Variants in KIAA1671 observed in about 807,000 individuals in gnomAD.
The protein encoded by KIAA1671 is KIAA1671.
KIAA1671 carries 52 observed loss-of-function variants against 131.2 expected under a neutral mutation model. The observed-to-expected ratio is 0.40, with a 90% confidence interval of 0.32 to 0.50. KIAA1671 has a LOEUF of 0.50. KIAA1671 is among the 20% of genes least tolerant of loss of function. The pLI is 0.73. For missense variants in KIAA1671, 2,360 were observed against 2,364.2 expected (o/e 1.00, Z 0.04); for synonymous variants, 1,003 against 961.6 (o/e 1.04, Z -0.80).
In KIAA1671 at chr22:25,072,726, C is replaced by T. The variant is rs562764540; in HGVS notation, c.4530+23362C>T. Among the ~76,000 whole-genome samples, 11 of 152,296 alleles carry T rather than the reference C, an allele frequency of 7.2e-5. No individual in the cohort carries two copies. In the South Asian group the frequency reaches 2.3e-3, roughly 32 times the overall value. Reference sequence around the variant, plus strand: ...TCATCTGCAAAGCGAGGCCCCGCTGCCTTCCTGATTTGCTTCTTGGGGCAA... The same window carrying T: ...TCATCTGCAAAGCGAGGCCCCGCTGTCTTCCTGATTTGCTTCTTGGGGCAA... On this transcript the variant is annotated intron_variant, in intron 6 of 12. Transcript: ENST00000358431.
At chr22:25,181,217 G>A (rs1004800372) in intron 9 of KIAA1671, among the ~76,000 whole-genome samples, 1 of 152,334 alleles carries the variant, frequency 6.6e-6, no homozygotes, top group African/African-American at 2.4e-5. Flanking sequence ...CCTCAAGCAC[G>A]GGTCTGGGGT....
At chr22:25,122,013 G>C (rs1167524792) in intron 6 of KIAA1671, among the ~76,000 whole-genome samples, 1 of 152,138 alleles carries the variant, frequency 6.6e-6, no homozygotes, top group African/African-American at 2.4e-5. Context: ...CTGGTTCTGC[G>C]TCTCCCTTGC....
intron 6 of KIAA1671, among the ~76,000 whole-genome samples, chr22:25,160,400 T>A (rs2145992964): frequency 6.6e-6 from 1 of 152,310 alleles, no homozygotes; most frequent in South Asian, 2.1e-4. Flanking sequence ...CTGTTACTCT[T>A]GCCCTGTGTC....
chr22:25,002,624 G>A (rs572129959), intron 1 of KIAA1671, among the ~76,000 whole-genome samples: 5 of 152,198 alleles, frequency 3.3e-5, no homozygotes, highest in African/African-American at 1.2e-4. Context: ...GAAAACTGCA[G>A]ATGTTCTTAG....
At chr22:25,037,278 G>A (rs1307280350) in intron 4 of KIAA1671, among the ~76,000 whole-genome samples, 8 of 152,156 alleles carry the variant, frequency 5.3e-5, no homozygotes, top group South Asian at 2.1e-4. Context: ...AGCCGAGATC[G>A]TGCCATTGCA....
At position 25,185,039 on chromosome 22, in the gene KIAA1671, A is replaced by G. The variant is rs1338143785; in HGVS notation, c.5262A>G (p.Gln1754=). The G allele has an allele frequency of 6.4e-7, 1 of 1,551,526 alleles. No individual in the cohort carries two copies. The change falls in exon 11 of 13, where the codon CAA becomes CAG. Residue 1754 remains glutamine, a synonymous_variant. Coordinates refer to ENST00000358431, the MANE Select transcript of KIAA1671 (RefSeq NM_001145206.2). ...SPGETPSWAP[Q]PKSPKSPFQP... ...GCGAGACCCCCAGCTGGGCACCCCA[A>G]CCCAAGAGCCCCAAGTCCCCCTTCC...
chr22:25,191,302 C>G (rs1934666373), intron 12 of KIAA1671, among the ~76,000 whole-genome samples: 2 of 151,958 alleles, frequency 1.3e-5, no homozygotes, highest in Non-Finnish European at 2.9e-5. Flanking sequence ...ATTACAGGTG[C>G]CTGCCACCAT....
intron 1 of KIAA1671, among the ~76,000 whole-genome samples, chr22:24,953,702 G>C (rs1216775404): frequency 6.6e-6 from 1 of 152,036 alleles, no homozygotes; most frequent in Admixed American, 6.5e-5. Flanking sequence ...ACTCGCCTGG[G>C]AGTGGGGACG....
At chr22:25,101,978 A>C (rs1482458060) in intron 6 of KIAA1671, among the ~76,000 whole-genome samples, 1 of 152,108 alleles carries the variant, frequency 6.6e-6, no homozygotes, top group Non-Finnish European at 1.5e-5. Context: ...AGGAAACGGG[A>C]GGTGTCTCAG....
chr22:25,105,406 T>C (rs1393470391), intron 6 of KIAA1671, among the ~76,000 whole-genome samples: 1 of 152,216 alleles, frequency 6.6e-6, no homozygotes, highest in African/African-American at 2.4e-5. Context: ...GAAATTCCCA[T>C]TTACTTCCTG....
intron 1 of KIAA1671, chr22:25,010,467 C>A (rs1164457074): frequency 6.6e-6 from 1 of 152,212 alleles, no homozygotes; most frequent in Admixed American, 6.5e-5. Flanking sequence ...AGGCATCACC[C>A]ACCGCGCCTG....
In KIAA1671 at chr22:25,180,412, C is replaced by A. The variant is rs190197634; in HGVS notation, c.5075-1287C>A. Among the ~76,000 whole-genome samples the A allele has an allele frequency of 3.4e-4, 52 of 152,284 alleles. 2 individuals carry two copies. The highest frequency in any genetic ancestry group is 2.9e-3 in the Admixed American group (45 of 15,300). ...AAATAGCTGGGCATGATGGCACGTG[C>A]CTGTAATCCCAGCTACTTAGGAGGC... On this transcript the variant is annotated intron_variant, in intron 9 of 12. Coordinates refer to ENST00000358431, the MANE Select transcript of KIAA1671 (RefSeq NM_001145206.2).
intron 1 of KIAA1671, among the ~76,000 whole-genome samples, chr22:24,966,665 G>A (rs1272770964): frequency 6.6e-6 from 1 of 152,186 alleles, no homozygotes; most frequent in Non-Finnish European, 1.5e-5. Flanking sequence ...ATTAAAATGA[G>A]TCCTGGGCTG....
At chr22:24,989,987 C>T (rs1313293751) in intron 1 of KIAA1671, among the ~76,000 whole-genome samples, 2 of 152,104 alleles carry the variant, frequency 1.3e-5, no homozygotes, top group Non-Finnish European at 1.5e-5. Flanking sequence ...AAAACATATT[C>T]TTTTGATAGA....
At chr22:25,115,908 C>T (rs985108665) in intron 6 of KIAA1671, among the ~76,000 whole-genome samples, 2 of 152,134 alleles carry the variant, frequency 1.3e-5, no homozygotes, top group African/African-American at 2.4e-5. Flanking sequence ...TCCCCAGTAG[C>T]TGGGATTACA....
chr22:25,082,529 C>T (rs1413890498), intron 6 of KIAA1671, among the ~76,000 whole-genome samples: 2 of 152,176 alleles, frequency 1.3e-5, no homozygotes, highest in African/African-American at 4.8e-5. Flanking sequence ...TGAATTATTA[C>T]AGTTTAAGAA....
chr22:25,140,820 T>C (rs1932796816), intron 6 of KIAA1671, among the ~76,000 whole-genome samples: 1 of 152,222 alleles, frequency 6.6e-6, no homozygotes, highest in Non-Finnish European at 1.5e-5. Context: ...TGAGAAATTG[T>C]CCGTACCTCA....
chr22:24,989,787 G>C (rs768682852), intron 1 of KIAA1671, among the ~76,000 whole-genome samples: 39 of 152,200 alleles, frequency 2.6e-4, no homozygotes, highest in Non-Finnish European at 4.6e-4. Flanking sequence ...CTGCAATTTT[G>C]GTGCCGGGAG....
chr22:24,989,928 C>G (rs1222006311), intron 1 of KIAA1671, among the ~76,000 whole-genome samples: 1 of 152,014 alleles, frequency 6.6e-6, no homozygotes, highest in Non-Finnish European at 1.5e-5. Flanking sequence ...GTTTTGGGAT[C>G]AAGGCAGAAG....
Sources: gnomAD v4.1 joint callset for allele counts (sites outside exome capture counted in the v4.1 genomes callset) on GRCh38, gnomAD v4.1.1 for gene constraint, MANE v1.5 for transcripts, NCBI Gene and HGNC (gene_info 2026-07-23, HGNC 2026-07-21) for gene names.